DENND2A: variants seen among roughly 807,000 people sequenced by gnomAD.
DENND2A encodes the protein DENN domain-containing protein 2A.
DENND2A carries 53 observed loss-of-function variants against 105.3 expected under a neutral mutation model. The observed-to-expected ratio is 0.50, with a 90% CI of 0.40 to 0.63. The LOEUF (loss-of-function observed/expected upper bound fraction) is 0.63. DENND2A is among the 30% of genes least tolerant of loss of function. The pLI, the probability that DENND2A is intolerant of heterozygous loss-of-function variation, is 0.00. For missense variants in DENND2A, 1,138 were observed against 1,279.6 expected, an observed-to-expected ratio of 0.89 and a Z score of 1.69; for synonymous variants, 522 against 508.4, an observed-to-expected ratio of 1.03 and a Z score of -0.36.
At chr7:140,549,118 T>C (rs1797017519) in intron 12 of DENND2A, among the ~76,000 whole-genome samples, 1 of 151,486 alleles carries the variant, frequency 6.6e-6, no homozygotes, top group Non-Finnish European at 1.5e-5. Context: ...CCCAGATACA[T>C]GGGAGGCTGA....
chr7:140,525,461 A>T (rs1052278284), intron 16 of DENND2A, among the ~76,000 whole-genome samples: 4 of 152,170 alleles, frequency 2.6e-5, no homozygotes, highest in African/African-American at 9.7e-5. Flanking sequence ...AGCTATTTTT[A>T]AAAATGAAAA....
intron 1 of DENND2A, among the ~76,000 whole-genome samples, chr7:140,614,527 GATTACATATTCATAAA>G (rs1378760492): frequency 6.6e-6 from 1 of 152,196 alleles, no homozygotes; most frequent in East Asian, 1.9e-4. Context: ...GATTGTAAAT[GATTACATATTCATAAA>G]ATTACATTTT....
chr7:140,566,277 C>T (rs1379713764), intron 9 of DENND2A, among the ~76,000 whole-genome samples: 1 of 152,176 alleles, frequency 6.6e-6, no homozygotes, highest in Non-Finnish European at 1.5e-5. Context: ...AGTGATCCGC[C>T]CACTTCGGCC....
At chr7:140,519,108 C>T (rs1795760529) in intron 19 of DENND2A, among the ~76,000 whole-genome samples, 2 of 152,192 alleles carry the variant, frequency 1.3e-5, no homozygotes, top group Admixed American at 1.3e-4. Flanking sequence ...CTGCAGGAGG[C>T]ACAGATATGG....
At chr7:140,548,480 C>G (rs114332362) in intron 12 of DENND2A, among the ~76,000 whole-genome samples, 2,152 of 151,904 alleles carry the variant, frequency 0.014, 47 homozygotes, top group African/African-American at 0.048. Flanking sequence ...TATGATCATG[C>G]CACCACACTC....
intron 1 of DENND2A, among the ~76,000 whole-genome samples, chr7:140,630,307 C>T (rs1037736036): frequency 1.3e-5 from 2 of 152,068 alleles, no homozygotes; most frequent in Admixed American, 6.6e-5. Context: ...GACAGGGTTT[C>T]ACCATGTTGC....
At chr7:140,623,834 T>C (rs1415639912) in intron 1 of DENND2A, among the ~76,000 whole-genome samples, 4 of 152,184 alleles carry the variant, frequency 2.6e-5, no homozygotes, top group South Asian at 2.1e-4. Context: ...CCTCGCTTGC[T>C]TCCTTCCTTC....
intron 12 of DENND2A, among the ~76,000 whole-genome samples, chr7:140,550,753 C>G (rs1563133758): frequency 6.6e-6 from 1 of 151,900 alleles, no homozygotes; most frequent in Non-Finnish European, 1.5e-5. Flanking sequence ...AGCCACCGCG[C>G]CTGGCCTCAA....
chr7:140,570,800 T>C (rs1387169843), intron 6 of DENND2A, among the ~76,000 whole-genome samples: 1 of 152,238 alleles, frequency 6.6e-6, no homozygotes, highest in Non-Finnish European at 1.5e-5. Context: ...AGTTGTCTGA[T>C]GCATTTGAAA....
At chr7:140,562,520 G>T (rs1390440017) in intron 9 of DENND2A, among the ~76,000 whole-genome samples, 1 of 152,076 alleles carries the variant, frequency 6.6e-6, no homozygotes, top group Non-Finnish European at 1.5e-5. Flanking sequence ...AAATTAGCTG[G>T]GTGTGGTGGC....
intron 12 of DENND2A, among the ~76,000 whole-genome samples, chr7:140,554,694 G>A (rs1797286709): frequency 6.6e-6 from 1 of 152,156 alleles, no homozygotes; most frequent in Non-Finnish European, 1.5e-5. Context: ...AGGAAATGAT[G>A]TTGGATTATA....
chr7:140,612,205 C>T (rs992446652), intron 1 of DENND2A, among the ~76,000 whole-genome samples: 9 of 150,676 alleles, frequency 6.0e-5, no homozygotes, highest in African/African-American at 2.0e-4. Flanking sequence ...TGCCCCATCG[C>T]ACTCCAGCCT....
intron 1 of DENND2A, among the ~76,000 whole-genome samples, chr7:140,618,702 C>T (rs574453134): frequency 2.6e-5 from 4 of 152,296 alleles, no homozygotes; most frequent in African/African-American, 7.2e-5. Flanking sequence ...ACTTCTACAC[C>T]ATACCACACT....
chr7:140,566,684 A>ATTTTTT (rs3043058), intron 9 of DENND2A, among the ~76,000 whole-genome samples: 1,816 of 113,126 alleles, frequency 0.016, 91 homozygotes, highest in African/African-American at 0.034. Flanking sequence ...TGGCCATACT[A>ATTTTTT]TTTTTTTTTT....
chr7:140,564,175 C>T (rs1186005486), intron 9 of DENND2A, among the ~76,000 whole-genome samples: 2 of 151,542 alleles, frequency 1.3e-5, no homozygotes, highest in East Asian at 3.9e-4. Flanking sequence ...CCCAGCTACT[C>T]GGGAGGCTGA....
At chr7:140,528,407 G>A (rs1796138617) in intron 14 of DENND2A, among the ~76,000 whole-genome samples, 2 of 152,140 alleles carry the variant, frequency 1.3e-5, no homozygotes, top group South Asian at 2.1e-4. Flanking sequence ...AGCTCCAAAT[G>A]GGTTCCAAGT....
chr7:140,601,933 A>G lies in DENND2A; in HGVS notation c.465T>C (p.Asp155=). The stretch of plus-strand genomic sequence containing the variant: ...TGACCTGCTTCAGCACGGAGAGGGG[A>G]TCGTTCTGAAAGCGTAGCTTGCCAA... ...PRLGKLRFQN[D]PLSVLKQVKK... Residue 155 remains aspartate, a synonymous_variant, in exon 3 of 20, where the codon GAT becomes GAC. Transcript: ENST00000496613. 1 of 1,614,118 alleles carries G rather than the reference A, an allele frequency of 6.2e-7. No homozygotes were observed.
At position 140,587,081 on chromosome 7, in the gene DENND2A, T is replaced by C. The variant is rs557282332; in HGVS notation, c.1123+572A>G. ...TTTAGAGCCAAAGTTACTTTTTAAATCACATTTAGTCTGTGTTCTGATGCC... is the reference window on the plus strand; with the variant it reads ...TTTAGAGCCAAAGTTACTTTTTAAACCACATTTAGTCTGTGTTCTGATGCC... On this transcript the variant is annotated intron_variant, in intron 4 of 19. Coordinates refer to ENST00000496613, the MANE Select transcript of DENND2A (RefSeq NM_015689.5). Among the ~76,000 whole-genome samples the C allele has an allele frequency of 6.6e-5, 10 of 152,302 alleles. 1 individual carries two copies. Among genetic ancestry groups the C allele is most frequent in the African/African-American group, 2.4e-4 (10 of 41,558 alleles).
At position 140,555,640 on chromosome 7, in the gene DENND2A, G is replaced by C; in HGVS notation, c.2033C>G (p.Ser678Ter). ...VSRLGCFSLF[S>*]RILDEVEKRR... ...CTCTGAGGTCCAAGTTCTCACCCTTGAAAAGAGGCTGAAGCATCCCAGGCG... is the reference window on the plus strand; with the variant it reads ...CTCTGAGGTCCAAGTTCTCACCCTTCAAAAGAGGCTGAAGCATCCCAGGCG... Residue 678 changes from serine (S) to a stop codon, truncating the protein, a stop_gained, in exon 12 of 20, where the codon TCA (serine) becomes TGA (stop). Coordinates refer to ENST00000496613, the MANE Select transcript of DENND2A (RefSeq NM_015689.5). LOFTEE classifies it high-confidence loss of function. 1 of 1,611,372 alleles carries C rather than the reference G, an allele frequency of 6.2e-7. No individual in the cohort carries two copies. Among genetic ancestry groups the C allele is most frequent in the Non-Finnish European group, 8.5e-7 (1 of 1,179,032 alleles).
Sources: gnomAD v4.1 joint callset for allele counts (sites outside exome capture counted in the v4.1 genomes callset) on GRCh38, gnomAD v4.1.1 for gene constraint, MANE v1.5 for transcripts, NCBI Gene and HGNC (gene_info 2026-07-23, HGNC 2026-07-21) for gene names.